EYA1: variants seen among roughly 807,000 people sequenced by gnomAD.
The protein encoded by EYA1 is EYA transcriptional coactivator and phosphatase 1, also known as protein phosphatase EYA1.
Under a neutral mutation model 82.0 loss-of-function variants are expected in EYA1, and 16 were observed. The ratio of observed to expected loss-of-function variants is 0.20; its 90% CI spans 0.13 to 0.30. The LOEUF is 0.30. EYA1 is among the 10% of genes least tolerant of loss of function. The pLI, the probability that EYA1 is intolerant of heterozygous loss-of-function variation, is 1.00. For synonymous variants in EYA1, 261 were observed against 264.4 expected, an observed-to-expected ratio of 0.99 and a Z score of 0.12; for missense variants, 633 against 730.7, an observed-to-expected ratio of 0.87 and a Z score of 1.54.
intron 3 of EYA1, among the ~76,000 whole-genome samples, chr8:71,352,047 G>C (rs556208700): frequency 6.6e-6 from 1 of 152,168 alleles, no homozygotes; most frequent in African/African-American, 2.4e-5. Context: ...AGCTGAAAAT[G>C]TTCATTGTAG....
chr8:71,224,191 G>C (rs1024224222), intron 12 of EYA1, among the ~76,000 whole-genome samples: 1 of 152,234 alleles, frequency 6.6e-6, no homozygotes, highest in African/African-American at 2.4e-5. Flanking sequence ...GTTACAATGT[G>C]TCTTTGGAGA....
At chr8:71,497,767 G>C (rs921749592) in intron 2 of EYA1, among the ~76,000 whole-genome samples, 2 of 152,124 alleles carry the variant, frequency 1.3e-5, no homozygotes, top group Non-Finnish European at 2.9e-5. Context: ...GCATTTCCAT[G>C]CTTATTGCAG....
intron 9 of EYA1, among the ~76,000 whole-genome samples, chr8:71,274,727 G>A (rs1035095803): frequency 6.6e-6 from 1 of 152,182 alleles, no homozygotes; most frequent in Admixed American, 6.5e-5. Flanking sequence ...AGAATGCTAG[G>A]AGAACACAGA....
rs540264957 is a variant in EYA1 at position 71,219,430 on chromosome 8, G to GA, written c.1141-2408dup. Among the ~76,000 whole-genome samples, 285 of 150,398 alleles carry GA rather than the reference G, an allele frequency of 1.9e-3. 2 individuals are homozygous for GA. The highest frequency in any genetic ancestry group is 4.8e-3 in the South Asian group (23 of 4,760). On this transcript the variant is annotated intron_variant, in intron 12 of 17. Coordinates refer to ENST00000340726, the MANE Select transcript of EYA1 (RefSeq NM_000503.6). ...GGGCCTCATCAGCACCTCCAGGAAT[G>GA]AAAAAAAAATCATTAAAATGTCTAT...
chr8:71,399,367 G>A (rs1829823317), intron 2 of EYA1, among the ~76,000 whole-genome samples: 1 of 152,314 alleles, frequency 6.6e-6, no homozygotes, highest in Middle Eastern at 3.4e-3. Context: ...CACTCACGCA[G>A]GGAGCTGCAG....
chr8:71,543,612 T>C (rs1419389526), intron 1 of EYA1, among the ~76,000 whole-genome samples: 4 of 152,172 alleles, frequency 2.6e-5, no homozygotes, highest in Non-Finnish European at 4.4e-5. Flanking sequence ...TGATCTCTTT[T>C]TAGCTGTTTA....
At chr8:71,421,416 G>A (rs949247698) in intron 2 of EYA1, among the ~76,000 whole-genome samples, 2 of 152,144 alleles carry the variant, frequency 1.3e-5, no homozygotes, top group Admixed American at 6.6e-5. Context: ...CCATCCAACT[G>A]TTTAATGAAA....
chr8:71,321,256 T>A (rs920694152), intron 6 of EYA1, among the ~76,000 whole-genome samples: 2 of 152,198 alleles, frequency 1.3e-5, no homozygotes, highest in African/African-American at 2.4e-5. Context: ...TAGATCACTT[T>A]TCCTAATGGT....
intron 11 of EYA1, among the ~76,000 whole-genome samples, chr8:71,252,909 A>G (rs1426434971): frequency 2.0e-5 from 3 of 152,180 alleles, no homozygotes; most frequent in Non-Finnish European, 4.4e-5. Context: ...CCCAAATCCA[A>G]TCAATTAACA....
At chr8:71,435,789 C>G (rs1805969150) in intron 2 of EYA1, among the ~76,000 whole-genome samples, 1 of 152,112 alleles carries the variant, frequency 6.6e-6, no homozygotes, top group African/African-American at 2.4e-5. Context: ...TCAGAGCCTT[C>G]TCTTGGCAAT....
At chr8:71,491,492 T>C (rs1465460213) in intron 2 of EYA1, among the ~76,000 whole-genome samples, 1 of 152,190 alleles carries the variant, frequency 6.6e-6, no homozygotes, top group Admixed American at 6.5e-5. Flanking sequence ...GACGGGGTTT[T>C]AAAAAGGCAA....
chr8:71,202,628 G>C (rs1482963165), intron 17 of EYA1, among the ~76,000 whole-genome samples: 2 of 152,290 alleles, frequency 1.3e-5, no homozygotes, highest in East Asian at 3.9e-4. Flanking sequence ...CATTTGGGCA[G>C]AAGAGCCAAA....
chr8:71,294,400 C>CA (rs1465424902), intron 9 of EYA1, among the ~76,000 whole-genome samples: 1 of 152,034 alleles, frequency 6.6e-6, no homozygotes, highest in African/African-American at 2.4e-5. Flanking sequence ...GCGGAGCCTG[C>CA]AGTGAGCCGA....
At chr8:71,250,157 C>T (rs543721482) in intron 11 of EYA1, among the ~76,000 whole-genome samples, 1 of 152,190 alleles carries the variant, frequency 6.6e-6, no homozygotes, top group East Asian at 1.9e-4. Context: ...TTTCAAAAAA[C>T]ATTCAAACAT....
chr8:71,296,573 G>A (rs546588815), intron 9 of EYA1, among the ~76,000 whole-genome samples: 1 of 150,916 alleles, frequency 6.6e-6, no homozygotes, highest in Non-Finnish European at 1.5e-5. Flanking sequence ...AATGACTAGA[G>A]TCTAACTCTC....
rs1563595930 is a variant in EYA1, at chr8:71,199,004, T to G, written c.*336A>C. 1.6e-5 allele frequency: 6 copies of G among 372,960 alleles called. No homozygotes were observed. The highest frequency in any genetic ancestry group is 9.4e-5 in the South Asian group (4 of 42,368). 23.1% of individuals were successfully genotyped at this position (372,960 alleles called of 1,614,324 possible). ...GGTTTGCTGTATTGGAGAAGCTGTT[T>G]ATATCACATTGAAAATGCTAACAAC... On this transcript the variant is annotated 3_prime_UTR_variant, in exon 18 of 18. Transcript: ENST00000340726.
In EYA1 at chr8:71,413,669, C is replaced by T. The variant is rs540294453; in HGVS notation, c.34-57158G>A. 7.9e-5 allele frequency among the ~76,000 whole-genome samples: 12 copies of T among 152,164 alleles called. No homozygotes were observed. The South Asian group carries it at 2.5e-3, about 32-fold the overall frequency. ...AACTGTATATGCAAAATAAGGTATC[C>T]CAATTGTGTTCAAAAGTAAATCTCA... is the stretch of plus-strand genomic sequence containing the variant. On this transcript the variant is annotated intron_variant, in intron 2 of 18. Transcript: ENST00000643681.
At chr8:71,410,849 T>C (rs1830552302) in intron 2 of EYA1, among the ~76,000 whole-genome samples, 1 of 121,546 alleles carries the variant, frequency 8.2e-6, no homozygotes, top group Admixed American at 8.9e-5. Flanking sequence ...AAGCTACCAA[T>C]GACTTTCTTC....
intron 16 of EYA1, 112 bp downstream of exon 16, chr8:71,215,275 T>C (rs1809038600): frequency 1.0e-6 from 1 of 988,650 alleles, no homozygotes; most frequent in Non-Finnish European, 1.5e-6. Context: ...TTCTTGTATT[T>C]TTTTTTTGAC....
Sources: allele counts gnomAD v4.1 joint callset (sites outside exome capture counted in the v4.1 genomes callset), GRCh38; gene constraint gnomAD v4.1.1; transcripts MANE v1.5; gene names NCBI Gene and HGNC (gene_info 2026-07-23, HGNC 2026-07-21).